The following GON4L variants were observed in gnomAD, a reference collection of about 807,000 sequenced individuals.
GON4L encodes the protein gon-4 like, also known as GON-4-like protein.
A neutral mutation model predicts 211.8 loss-of-function variants in GON4L; 87 were observed. The ratio of observed to expected loss-of-function variants is 0.41; its 90% CI spans 0.35 to 0.49. GON4L has a LOEUF of 0.49. GON4L is among the 20% of genes least tolerant of loss of function. The pLI, the probability that GON4L is intolerant of heterozygous loss-of-function variation, is 0.15. For synonymous variants in GON4L, 875 were observed against 962.6 expected (o/e 0.91, Z 1.68); for missense variants, 2,155 against 2,659.5 (o/e 0.81, Z 4.17).
chr1:155,748,227 G>A, downstream of GON4L: 2 of 1,355,970 alleles, frequency 1.5e-6, no homozygotes, highest in Non-Finnish European at 2.0e-6. Context: ...TGAGGCCCGA[G>A]CTTGAACTCA....
intron 2 of GON4L, chr1:155,831,716 G>A (rs1233395529): frequency 6.6e-6 from 1 of 151,460 alleles, no homozygotes; most frequent in Non-Finnish European, 1.5e-5. Context: ...AAAGCTGGGT[G>A]TGGTGGTGCA....
At chr1:155,791,032 C>T (rs553224552) in intron 12 of GON4L, among the ~76,000 whole-genome samples, 4 of 151,112 alleles carry the variant, frequency 2.6e-5, no homozygotes, top group African/African-American at 4.9e-5. Context: ...GAGGCTGAGG[C>T]GGGCAGATCA....
At position 155,766,786 on chromosome 1, in the gene GON4L, C is replaced by T. The variant is rs913771385; in HGVS notation, c.2764-77G>A. On this transcript the variant is annotated intron_variant, in intron 20 of 31. Transcript: ENST00000368331. ...AGAGGCTTGGCACAGTGGCTCACGC[C>T]TGTAATCCCAGCACTTTGGGAGGCT... 27 of 1,601,638 alleles carry T rather than the reference C, an allele frequency of 1.7e-5. No individual in the cohort carries two copies. In the African/African-American group the frequency reaches 3.5e-4, roughly 21 times the overall value.
At chr1:155,776,267 A>G (rs1663808101) in intron 16 of GON4L, 128 bp downstream of exon 16, 1 of 776,192 alleles carries the variant, frequency 1.3e-6, no homozygotes, top group Admixed American at 2.0e-5. Context: ...AACAGAAAGC[A>G]GGCAAAACAA....
At chr1:155,814,829 C>G (rs963367780) in intron 8 of GON4L, among the ~76,000 whole-genome samples, 1 of 151,966 alleles carries the variant, frequency 6.6e-6, no homozygotes, top group African/African-American at 2.4e-5. Flanking sequence ...AACTTAAAGG[C>G]CAGGTGCAGT....
At position 155,813,631 on chromosome 1, in the gene GON4L, T is replaced by C; in HGVS notation, c.1452+3A>G. The stretch of plus-strand genomic sequence containing the variant: ...CTCAGTTAAGTACAGTTTTAATATT[T>C]ACCTGGAAAGAATCCATGCAGACTG... On this transcript the variant is annotated splice_donor_region_variant and intron_variant, in intron 10 of 31. Coordinates refer to ENST00000368331, the MANE Select transcript of GON4L (RefSeq NM_001282860.2). The C allele has an allele frequency of 6.2e-7, 1 of 1,606,280 alleles. No individual in the cohort carries two copies. The highest frequency in any genetic ancestry group is 8.5e-7 in the Non-Finnish European group (1 of 1,172,884).
In GON4L at chr1:155,765,647, C is replaced by T; in HGVS notation, c.3826G>A (p.Ala1276Thr). The change falls in exon 21 of 32, where the codon GCA becomes ACA. Residue 1276 changes from alanine (A) to threonine (T), a missense_variant. Coordinates refer to ENST00000368331, the MANE Select transcript of GON4L (RefSeq NM_001282860.2). ...EHSPGPPLAD[A>T]ECQEGLSENS... ...TCTGACAATCCTTCTTGGCACTCTG[C>T]ATCTGCTAGTGGAGGCCCTGGGCTA... The T allele has an allele frequency of 1.9e-6, 3 of 1,614,170 alleles. No individual in the cohort carries two copies. Among genetic ancestry groups the T allele is most frequent in the Non-Finnish European group, 1.7e-6 (2 of 1,180,030 alleles).
intron 24 of GON4L, among the ~76,000 whole-genome samples, chr1:155,758,503 G>A (rs1200014996): frequency 6.6e-6 from 1 of 152,190 alleles, no homozygotes; most frequent in East Asian, 1.9e-4. Flanking sequence ...CAGGGGCCGT[G>A]GTGTACACCT....
intron 6 of GON4L, among the ~76,000 whole-genome samples, chr1:155,818,225 G>C (rs901513400): frequency 6.6e-6 from 1 of 151,700 alleles, no homozygotes; most frequent in Non-Finnish European, 1.5e-5. Flanking sequence ...GAGTTCAAGC[G>C]ATCCTCTCGT....
intron 4 of GON4L, 117 bp from the exon 5 acceptor site, chr1:155,821,665 T>C (rs1310644013): frequency 2.8e-6 from 2 of 704,362 alleles, no homozygotes; most frequent in South Asian, 1.4e-5. Context: ...TATACTCGAA[T>C]AGCATCAGAC....
intron 14 of GON4L, among the ~76,000 whole-genome samples, chr1:155,783,515 C>G (rs1235015306): frequency 1.3e-5 from 2 of 152,202 alleles, no homozygotes; most frequent in Admixed American, 1.3e-4. Context: ...CAAGTGCCAA[C>G]TTTAGGCAAA....
intron 19 of GON4L, 32 bp downstream of exon 19, chr1:155,771,035 G>A (rs1355434022): frequency 1.9e-6 from 3 of 1,613,880 alleles, no homozygotes; most frequent in Admixed American, 1.7e-5. Context: ...TATTGGTGAG[G>A]TGCCCGGATG....
intron 2 of GON4L, among the ~76,000 whole-genome samples, chr1:155,828,498 A>AAAAC (rs745332500): frequency 1.3e-5 from 2 of 151,690 alleles, no homozygotes; most frequent in Non-Finnish European, 2.9e-5. Context: ...CATCTCAAAC[A>AAAAC]AAACAAACAA....
chr1:155,765,599 C>T lies in GON4L; in HGVS notation c.3874G>A (p.Val1292Ile), dbSNP rs373563436. Residue 1292 changes from valine to isoleucine, a missense_variant, in exon 21 of 32, where the codon GTT becomes ATT. Val to Ile is a conservative substitution (Grantham distance 29, BLOSUM62 3). Coordinates refer to ENST00000368331, the MANE Select transcript of GON4L (RefSeq NM_001282860.2). ...TGCCTCCCCTCCTCTGTTTTCACAA[C>T]GGTCCAGCGACAGGCACTATTCTCT... is the stretch of plus-strand genomic sequence containing the variant. ...LSENSACRWTVVKTEEGRQAL... is the reference protein window; with the variant it reads ...LSENSACRWTIVKTEEGRQAL... 54 of 1,614,162 alleles carry T rather than the reference C, an allele frequency of 3.3e-5. No homozygotes were observed. In the African/African-American group the frequency reaches 3.5e-4, roughly 10 times the overall value.
intron 12 of GON4L, among the ~76,000 whole-genome samples, chr1:155,790,186 G>C (rs922676183): frequency 6.6e-6 from 1 of 151,812 alleles, no homozygotes; most frequent in Non-Finnish European, 1.5e-5. Context: ...TGCAGCCTCC[G>C]CCTCCCAGGT....
rs546178139 is a variant in GON4L at position 155,855,721 on chromosome 1, G to C, written c.-27+1426C>G. ...ATAGTGGCTTGGTGCAGTGGCTCAC[G>C]CCTGTAATCCCAACACTCTGGGAGG... On this transcript the variant is annotated intron_variant, in intron 1 of 31. Coordinates refer to ENST00000368331, the MANE Select transcript of GON4L (RefSeq NM_001282860.2). 5.9e-5 allele frequency among the ~76,000 whole-genome samples: 9 copies of C among 152,220 alleles called. No homozygotes were observed. In the East Asian group the frequency reaches 1.4e-3, roughly 23 times the overall value.
At position 155,819,296 on chromosome 1, in the gene GON4L, C is replaced by A. The variant is rs796977515; in HGVS notation, c.1014+1310G>T. On this transcript the variant is annotated intron_variant, in intron 6 of 31. Transcript: ENST00000368331. ...CCAGCCTGGACGATGAAGCAAGACT[C>A]CCAAAATAAAAAGGGGGGGAGAAAT... is the stretch of plus-strand genomic sequence containing the variant. 1.2e-4 allele frequency among the ~76,000 whole-genome samples: 18 copies of A among 149,696 alleles called. 1 individual carries two copies. Among genetic ancestry groups the A allele is most frequent in the African/African-American group, 4.4e-4 (18 of 40,494 alleles).
intron 2 of GON4L, chr1:155,845,923 T>C: frequency 4.6e-6 from 1 of 218,184 alleles, no homozygotes; most frequent in Admixed American, 4.2e-5. Context: ...CAGTGGGCAC[T>C]CTTTCCCAGT....
chr1:155,753,521 T>A lies in GON4L; in HGVS notation c.5632-107A>T, dbSNP rs1164374070. 6.5e-6 allele frequency: 5 copies of A among 770,670 alleles called. No homozygotes were observed. In the East Asian group the frequency reaches 9.8e-5, roughly 15 times the overall value. 47.7% of individuals were successfully genotyped at this position (770,670 alleles called of 1,614,324 possible). On this transcript the variant is annotated intron_variant, in intron 28 of 31. Coordinates refer to ENST00000368331, the MANE Select transcript of GON4L (RefSeq NM_001282860.2). The stretch of plus-strand genomic sequence containing the variant: ...CTGATGCTCATCAAGTCAACCCACA[T>A]GCATGTCTGCTCCAACAATTTTGTT...
Sources: gnomAD v4.1 joint callset for allele counts (sites outside exome capture counted in the v4.1 genomes callset) on GRCh38, gnomAD v4.1.1 for gene constraint, MANE v1.5 for transcripts, NCBI Gene and HGNC (gene_info 2026-07-23, HGNC 2026-07-21) for gene names.